FMN1: variants seen among roughly 807,000 people sequenced by gnomAD.
The protein encoded by FMN1 is formin-1.
FMN1 carries 110 observed loss-of-function variants against 132.4 expected under a neutral mutation model. The ratio of observed to expected loss-of-function variants is 0.83; its 90% CI spans 0.71 to 0.97. The LOEUF is 0.97. Among genes scored for constraint, FMN1 ranks in the 50% least tolerant of loss-of-function variants. The probability of loss-of-function intolerance (pLI) is 0.00; values close to 1 mark genes in which losing one functional copy is unlikely to be tolerated. For synonymous variants in FMN1, 722 were observed against 651.7 expected (o/e 1.11, Z -1.64); for missense variants, 1,792 against 1,705.3 (o/e 1.05, Z -0.90).
rs1277051952 is a variant in FMN1 at position 33,012,629 on chromosome 15, A to T, written c.2162-4554T>A. 6.4e-6 allele frequency: 6 copies of T among 940,838 alleles called. No homozygotes were observed. In the Admixed American group the frequency reaches 1.0e-4, roughly 16 times the overall value. The allele number at this position is 940,838 out of a possible 1,614,324, so 58.3% of individuals were successfully genotyped here. On this transcript the variant is annotated intron_variant, in intron 6 of 20. Transcript: ENST00000616417. ...GTTCAGAAATACCACACTGCAAATG[A>T]CCACAACTGTGAAGGTAGGAAAGCC...
intron 19 of FMN1, among the ~76,000 whole-genome samples, chr15:32,784,953 TC>T (rs2056802675): frequency 6.6e-6 from 1 of 152,038 alleles, no homozygotes; most frequent in Admixed American, 6.6e-5. Context: ...AATAGAGCTA[TC>T]TTATTACACC....
At chr15:32,830,214 G>T (rs2058468017) in intron 17 of FMN1, among the ~76,000 whole-genome samples, 2 of 152,032 alleles carry the variant, frequency 1.3e-5, no homozygotes, top group South Asian at 4.2e-4. Context: ...AATGACAGGA[G>T]ATTAAAATCT....
chr15:33,154,340 C>A lies in FMN1; in HGVS notation c.575G>T (p.Gly192Val). 1 of 1,536,164 alleles carries A rather than the reference C, an allele frequency of 6.5e-7. No homozygotes were observed. Among genetic ancestry groups the A allele is most frequent in the Non-Finnish European group, 8.7e-7 (1 of 1,146,928 alleles). Residue 192 changes from glycine to valine, a missense_variant, in exon 4 of 21, where the codon GGC becomes GTC. Transcript: ENST00000616417. Reference protein sequence around the residue: ...RGGRESAPLMGKDKICSSHSL... With the variant: ...RGGRESAPLMVKDKICSSHSL... ...GTGGCTGGAACAGATCTTGTCCTTG[C>A]CCATCAGAGGAGCTGATTCTCGGCC...
intron 9 of FMN1, among the ~76,000 whole-genome samples, chr15:32,963,427 A>T (rs2030825158): frequency 6.6e-6 from 1 of 152,070 alleles, no homozygotes; most frequent in African/African-American, 2.4e-5. Context: ...GCGCACCAGC[A>T]TGGCACATGT....
intron 4 of FMN1, among the ~76,000 whole-genome samples, chr15:33,102,481 A>T (rs146791674): frequency 6.6e-6 from 1 of 152,082 alleles, no homozygotes; most frequent in African/African-American, 2.4e-5. Context: ...GTCTTAAGTC[A>T]CCCCTAAATG....
intron 16 of FMN1, among the ~76,000 whole-genome samples, chr15:32,873,426 A>T (rs1183770882): frequency 1.3e-5 from 2 of 152,146 alleles, no homozygotes; most frequent in African/African-American, 2.4e-5. Context: ...AGCTATTTAA[A>T]ACTGTGCTCT....
intron 4 of FMN1, among the ~76,000 whole-genome samples, chr15:33,092,120 T>C (rs1595453172): frequency 6.6e-6 from 1 of 152,158 alleles, no homozygotes; most frequent in Non-Finnish European, 1.5e-5. Context: ...ACAGTAAAGG[T>C]AGGGTGACTT....
intron 6 of FMN1, among the ~76,000 whole-genome samples, chr15:33,060,401 T>C (rs1358978128): frequency 6.6e-6 from 1 of 152,190 alleles, no homozygotes; most frequent in Non-Finnish European, 1.5e-5. Context: ...GGGTGGCAAA[T>C]AGCTCTCATT....
chr15:33,048,178 T>A (rs889268603), intron 6 of FMN1, among the ~76,000 whole-genome samples: 9 of 152,196 alleles, frequency 5.9e-5, no homozygotes, highest in African/African-American at 2.2e-4. Context: ...TTAGGTTTGT[T>A]AAATGCTTTA....
chr15:33,043,004 A>C (rs2036510923), intron 6 of FMN1, among the ~76,000 whole-genome samples: 1 of 152,138 alleles, frequency 6.6e-6, no homozygotes, highest in South Asian at 2.1e-4. Context: ...GTGTATATTT[A>C]AATACAGACA....
At chr15:33,148,178 CT>C (rs1964301816) in intron 4 of FMN1, among the ~76,000 whole-genome samples, 1 of 152,170 alleles carries the variant, frequency 6.6e-6, no homozygotes, top group Non-Finnish European at 1.5e-5. Flanking sequence ...CTTCTTTCCC[CT>C]GTTGCTCATT....
chr15:32,945,973 CTG>C (rs1300636340), intron 9 of FMN1, among the ~76,000 whole-genome samples: 1 of 151,728 alleles, frequency 6.6e-6, no homozygotes, highest in Non-Finnish European at 1.5e-5. Flanking sequence ...TCACTCCACT[CTG>C]TTAATTTTCT....
At position 32,910,481 on chromosome 15, in the gene FMN1, T is replaced by G. The variant is rs1245714303; in HGVS notation, c.3281A>C (p.Tyr1094Ser). 8 of 1,577,560 alleles carry G rather than the reference T, an allele frequency of 5.1e-6. No homozygotes were observed. In the Admixed American group the frequency reaches 1.3e-4, roughly 25 times the overall value. ...VVDLETLAALYENRAQEDELV... is the reference protein window; with the variant it reads ...VVDLETLAALSENRAQEDELV... ...TAAGTCTTTGACACTCACGTTTTCATATAAGGCTGCCAGGGTCTCCAGATC... is the reference window on the plus strand; with the variant it reads ...TAAGTCTTTGACACTCACGTTTTCAGATAAGGCTGCCAGGGTCTCCAGATC... Residue 1094 changes from tyrosine (Y) to serine (S), a missense_variant, in exon 11 of 21, where the codon TAT becomes TCT. Physicochemically the swap from Tyr to Ser is moderately radical, Grantham distance 144 (BLOSUM62 -2). Around this residue, in one of 3 missense-constraint regions of FMN1, gnomAD observed 1,150 missense variants for 1,043.1 expected, o/e 1.10. Coordinates refer to ENST00000616417, the MANE Select transcript of FMN1 (RefSeq NM_001277313.2).
At chr15:33,069,521 GAC>G (rs1332231907) in intron 5 of FMN1, among the ~76,000 whole-genome samples, 1 of 152,184 alleles carries the variant, frequency 6.6e-6, no homozygotes, top group Non-Finnish European at 1.5e-5. Flanking sequence ...TAAGGAAAAT[GAC>G]AGTCTTGCTT....
At chr15:32,997,752 T>C (rs2033860303) in intron 7 of FMN1, among the ~76,000 whole-genome samples, 1 of 152,182 alleles carries the variant, frequency 6.6e-6, no homozygotes, top group South Asian at 2.1e-4. Flanking sequence ...TACCCAATTT[T>C]TTACACTAAG....
chr15:33,011,738 C>T (rs1003995147), intron 6 of FMN1, among the ~76,000 whole-genome samples: 5 of 151,936 alleles, frequency 3.3e-5, no homozygotes, highest in African/African-American at 4.8e-5. Context: ...TATATAAATG[C>T]ATCCTACAAA....
At chr15:32,859,389 C>A (rs2059212041) in intron 16 of FMN1, among the ~76,000 whole-genome samples, 1 of 152,128 alleles carries the variant, frequency 6.6e-6, no homozygotes. Flanking sequence ...CTAACCAAAC[C>A]AAAGCTGTTC....
At chr15:32,988,753 T>C (rs343929) in intron 7 of FMN1, among the ~76,000 whole-genome samples, 124,120 of 152,158 alleles carry the variant, frequency 0.82, 50,790 homozygotes, top group East Asian at 0.97. Context: ...GTTGTTGTGA[T>C]CATGTCACCT....
chr15:32,985,787 A>G (rs745494625), intron 7 of FMN1, among the ~76,000 whole-genome samples: 1 of 152,128 alleles, frequency 6.6e-6, no homozygotes, highest in African/African-American at 2.4e-5. Context: ...TTATCTTACA[A>G]TATGGACAGG....
Sources: gnomAD v4.1 joint callset for allele counts (sites outside exome capture counted in the v4.1 genomes callset) on GRCh38, gnomAD v4.1.1 for gene constraint, gnomAD v4.1.1 regional missense constraint, MANE v1.5 for transcripts, NCBI Gene and HGNC (gene_info 2026-07-23, HGNC 2026-07-21) for gene names.